The following ZNF75D variants were observed in gnomAD, a reference collection of about 807,000 sequenced individuals.
ZNF75D encodes zinc finger protein 75D, also known as zinc finger protein 75.
A neutral mutation model predicts 33.3 loss-of-function variants in ZNF75D; 33 were observed. The ratio of observed to expected loss-of-function variants is 0.99; its 90% confidence interval spans 0.75 to 1.32. The LOEUF (loss-of-function observed/expected upper bound fraction) is 1.32. Ranked by LOEUF, ZNF75D falls within the 40% of genes most tolerant of loss-of-function variation. The pLI, the probability that ZNF75D is intolerant of heterozygous loss-of-function variation, is 0.00. For synonymous variants in ZNF75D, 113 were observed against 130.6 expected, an observed-to-expected ratio of 0.87 and a Z score of 0.92; for missense variants, 338 against 367.5, an observed-to-expected ratio of 0.92 and a Z score of 0.66.
intron 1 of ZNF75D, among the ~76,000 whole-genome samples, chrX:135,301,420 T>A (rs186960284): frequency 9.0e-6 from 1 of 111,612 alleles, no homozygotes; most frequent in East Asian, 2.8e-4. Context: ...AAAGTCTTAA[T>A]TCATTCCGGC....
intron 1 of ZNF75D, among the ~76,000 whole-genome samples, chrX:135,332,811 T>C (rs1306590161): frequency 9.0e-6 from 1 of 111,618 alleles, no homozygotes; most frequent in African/African-American, 3.3e-5. Flanking sequence ...CCACAGAGAA[T>C]TGGTAAATAA....
chrX:135,256,391 A>G (rs2148457677), intron 1 of ZNF75D, among the ~76,000 whole-genome samples: 1 of 109,728 alleles, frequency 9.1e-6, no homozygotes, highest in African/African-American at 3.3e-5. Flanking sequence ...AAATCCATGC[A>G]GGGTGCAGCC....
At position 135,342,126 on chromosome X, in the gene ZNF75D, T is replaced by C. The variant is rs2084791954; in HGVS notation, c.-749A>G. ...TTCACAAGACAACACACTAGTCTGT[T>C]ACACTGATGACATGCTAATTAGACC... is the stretch of plus-strand genomic sequence containing the variant. On this transcript the variant is annotated 5_prime_UTR_variant, in exon 1 of 7. An upstream open reading frame in the 5' UTR loses its in-frame stop. Transcript: ENST00000370766. The C allele has an allele frequency of 8.9e-6, 1 of 112,184 alleles. No homozygotes were observed. Among genetic ancestry groups the C allele is most frequent in the African/African-American group, 3.2e-5 (1 of 30,840 alleles). 9.2% of individuals were successfully genotyped at this position (112,184 alleles called of 1,213,427 possible). A position where few individuals can be genotyped will look rare whatever the true frequency, so the allele number is the denominator to read the frequency against.
chrX:135,329,015 A>G (rs917427133), intron 1 of ZNF75D, among the ~76,000 whole-genome samples: 1 of 112,190 alleles, frequency 8.9e-6, no homozygotes, highest in Non-Finnish European at 1.9e-5. Flanking sequence ...ACATATTCTC[A>G]TGCTTTTTTG....
At chrX:135,273,585 G>A (rs1425881771) in intron 1 of ZNF75D, among the ~76,000 whole-genome samples, 1 of 111,004 alleles carries the variant, frequency 9.0e-6, no homozygotes, top group African/African-American at 3.3e-5. Flanking sequence ...GCTAATAGTA[G>A]GCCATTGCCT....
intron 1 of ZNF75D, among the ~76,000 whole-genome samples, chrX:135,257,316 A>G (rs1252142679): frequency 8.9e-6 from 1 of 111,994 alleles, no homozygotes; most frequent in Non-Finnish European, 1.9e-5. Context: ...CAGGCCTGGT[A>G]GCATTCACTA....
intron 1 of ZNF75D, among the ~76,000 whole-genome samples, chrX:135,331,961 G>A (rs1281570688): frequency 1.8e-5 from 2 of 111,701 alleles, no homozygotes; most frequent in Non-Finnish European, 3.8e-5. Flanking sequence ...AGGATGAAAT[G>A]GGGAGGGGTT....
downstream of ZNF75D, among the ~76,000 whole-genome samples, chrX:135,284,303 C>T (rs2083932358): frequency 8.9e-6 from 1 of 112,224 alleles, no homozygotes; most frequent in South Asian, 3.7e-4. Context: ...AGAATGACAT[C>T]TCTTCCCTTT....
chrX:135,275,645 A>G (rs1443127804), intron 1 of ZNF75D, among the ~76,000 whole-genome samples: 1 of 110,273 alleles, frequency 9.1e-6, no homozygotes, highest in Non-Finnish European at 1.9e-5. Flanking sequence ...AAAACTATAT[A>G]TATATTTTAC....
At chrX:135,291,328 G>A in intron 5 of ZNF75D, 144 bp downstream of exon 5, 1 of 820,175 alleles carries the variant, frequency 1.2e-6, no homozygotes. Context: ...AGTTCCCACT[G>A]TGCCAAGCCT....
intron 1 of ZNF75D, among the ~76,000 whole-genome samples, chrX:135,277,060 T>C (rs1353042915): frequency 2.7e-5 from 3 of 112,223 alleles, no homozygotes; most frequent in Non-Finnish European, 3.8e-5. Flanking sequence ...CCTTGAGGAA[T>C]CACCACACTG....
chrX:135,306,458 T>C (rs1328950136), intron 1 of ZNF75D, among the ~76,000 whole-genome samples: 2 of 112,318 alleles, frequency 1.8e-5, no homozygotes, highest in African/African-American at 3.2e-5. Flanking sequence ...AACATGTCTA[T>C]CAATTCCTGT....
Position 135,291,115 on chromosome X carries a change from A to G in ZNF75D, c.717T>C (p.Asp239=). 2 of 1,211,827 alleles carry G rather than the reference A, an allele frequency of 1.7e-6. No individual in the cohort carries two copies. Among genetic ancestry groups the G allele is most frequent in the Non-Finnish European group, 2.2e-6 (2 of 895,361 alleles). The part of the protein sequence containing the change: ...PESLSLLTFE[D]VAVYFSEEEW... The stretch of plus-strand genomic sequence containing the variant: ...CTTCCTCAGAAAAATACACAGCCAC[A>G]TCTTCAAATGTCAACAAACTCTAAA... The change falls in exon 6 of 7, where the codon GAT becomes GAC. Residue 239 remains aspartate, a synonymous_variant. Transcript: ENST00000370766.
At position 135,276,244 on chromosome X, in the gene ZNF75D, T is replaced by C. The variant is rs781924201; in HGVS notation, n.828-20467A>G. On this transcript the variant is annotated intron_variant and non_coding_transcript_variant, in intron 1 of 3. Transcript: ENST00000494295. ...CCTATAATAATTAAAAACAGTGTTG[T>C]ACTGGCATAAGGGTAGGCATATAGA... Among the ~76,000 whole-genome samples, 44 of 112,073 alleles carry C rather than the reference T, an allele frequency of 3.9e-4. 1 individual carries two copies. The highest frequency in any genetic ancestry group is 1.4e-3 in the African/African-American group (42 of 30,806).
intron 1 of ZNF75D, among the ~76,000 whole-genome samples, chrX:135,302,605 G>A (rs1164094277): frequency 8.9e-6 from 1 of 112,660 alleles, no homozygotes; most frequent in Non-Finnish European, 1.9e-5. Context: ...ACCACAAAGA[G>A]TGCATTCAAT....
chrX:135,325,595 C>T lies in ZNF75D; in HGVS notation c.-391+16173G>A, dbSNP rs782537323. Reference sequence around the variant, plus strand: ...CCCGGGCAATGAGGGACGTAGCACCCGGGCCAGCGGCTGTGGAGGGTGTAC... The same window carrying T: ...CCCGGGCAATGAGGGACGTAGCACCTGGGCCAGCGGCTGTGGAGGGTGTAC... On this transcript the variant is annotated intron_variant, in intron 1 of 6. Coordinates refer to ENST00000370766, the MANE Select transcript of ZNF75D (RefSeq NM_007131.5). Among the ~76,000 whole-genome samples, 39 of 112,678 alleles carry T rather than the reference C, an allele frequency of 3.5e-4. No homozygotes were observed. The East Asian group carries it at 0.01, about 29-fold the overall frequency.
At chrX:135,322,894 T>C (rs971474241) in intron 1 of ZNF75D, among the ~76,000 whole-genome samples, 3 of 111,485 alleles carry the variant, frequency 2.7e-5, no homozygotes, top group African/African-American at 9.8e-5. Context: ...GCCCTAAGAG[T>C]ATAGGGGGTA....
At chrX:135,289,407 G>A (rs1556420580) in intron 6 of ZNF75D, among the ~76,000 whole-genome samples, 1 of 112,085 alleles carries the variant, frequency 8.9e-6, no homozygotes. Flanking sequence ...CTTGAAGTCA[G>A]GAGTTTGAGA....
At position 135,343,978 on chromosome X, in the gene ZNF75D, C is replaced by G. The variant is rs1317317363; in HGVS notation, c.-2601G>C. 1 of 112,111 alleles carries G rather than the reference C, an allele frequency of 8.9e-6. No individual in the cohort carries two copies. The highest frequency in any genetic ancestry group is 1.9e-5 in the Non-Finnish European group (1 of 53,184). The allele number at this position is 112,111 out of a possible 1,213,427, so 9.2% of individuals were successfully genotyped here. A position where few individuals can be genotyped will look rare whatever the true frequency, so the allele number is the denominator to read the frequency against. On this transcript the variant is annotated 5_prime_UTR_variant, in exon 1 of 7. Coordinates refer to ENST00000370766, the MANE Select transcript of ZNF75D (RefSeq NM_007131.5). ...GTGTTGGACCCACGCAGGACTAGGC[C>G]CCCGGTCCACACGCAGAAAGTCCTA... is the stretch of plus-strand genomic sequence containing the variant.
Sources: gnomAD v4.1 joint callset for allele counts (sites outside exome capture counted in the v4.1 genomes callset) on GRCh38, gnomAD v4.1.1 for gene constraint, MANE v1.5 for transcripts, NCBI Gene and HGNC (gene_info 2026-07-23, HGNC 2026-07-21) for gene names.